SYCP2: variants seen among roughly 807,000 people sequenced by gnomAD.
The protein encoded by SYCP2 is synaptonemal complex lateral element protein.
SYCP2 carries 55 observed loss-of-function variants against 211.3 expected under a neutral mutation model. The observed-to-expected ratio is 0.26, with a 90% CI of 0.21 to 0.33. The LOEUF (loss-of-function observed/expected upper bound fraction) is 0.33. SYCP2 is among the 10% of genes least tolerant of loss of function. The pLI is 1.00. For missense variants in SYCP2, 1,731 were observed against 1,752.0 expected (o/e 0.99, Z 0.21); for synonymous variants, 570 against 555.2 (o/e 1.03, Z -0.37).
chr20:59,915,343 A>G (rs1380836318), intron 9 of SYCP2, 122 bp downstream of exon 9: 1 of 976,394 alleles, frequency 1.0e-6, no homozygotes, highest in East Asian at 2.4e-5. Context: ...CATACACTAA[A>G]TTATATTAAA....
In SYCP2 at chr20:59,922,426, TAA is replaced by T. The variant is rs376461462; in HGVS notation, c.-15_-14del. 35,399 of 1,358,950 alleles carry T rather than the reference TAA, an allele frequency of 0.026. No homozygotes were observed. The highest frequency in any genetic ancestry group is 0.038 in the South Asian group (2,743 of 72,474). 84.2% of individuals were successfully genotyped at this position (1,358,950 alleles called of 1,614,324 possible). ...GTCTTATTGGCATTTTGACTTCATT[TAA>T]AAAAAAAAAAAAAGCAAGACAAAAT... On this transcript the variant is annotated 5_prime_UTR_variant, in exon 3 of 45. Transcript: ENST00000357552.
chr20:59,917,457 A>G (rs560265106), intron 7 of SYCP2, among the ~76,000 whole-genome samples: 1 of 152,324 alleles, frequency 6.6e-6, no homozygotes, highest in African/African-American at 2.4e-5. Flanking sequence ...GACTGCATAA[A>G]AAGAAAAAAG....
At chr20:59,893,116 T>C (rs570163135) in intron 22 of SYCP2, 26 bp downstream of exon 22, 1 of 1,526,032 alleles carries the variant, frequency 6.6e-7, no homozygotes, top group African/African-American at 1.4e-5. Context: ...ATAGACTAAA[T>C]GATTTGATGG....
At chr20:59,887,368 G>A (rs1272451060) in intron 24 of SYCP2, among the ~76,000 whole-genome samples, 1 of 152,066 alleles carries the variant, frequency 6.6e-6, no homozygotes, top group African/African-American at 2.4e-5. Flanking sequence ...TGGTGTATTT[G>A]TGCCACATTT....
intron 26 of SYCP2, among the ~76,000 whole-genome samples, chr20:59,882,386 A>C (rs1011168731): frequency 5.3e-5 from 8 of 152,114 alleles, no homozygotes; most frequent in East Asian, 1.9e-4. Flanking sequence ...TGTGAATAAC[A>C]GTGTGAAGTT....
intron 14 of SYCP2, among the ~76,000 whole-genome samples, chr20:59,909,181 T>C (rs2060270063): frequency 1.3e-5 from 2 of 152,200 alleles, no homozygotes; most frequent in African/African-American, 2.4e-5. Context: ...CCTGTAGAAA[T>C]TTGTTTTTCA....
intron 25 of SYCP2, 106 bp from the exon 26 acceptor site, chr20:59,886,070 A>G: frequency 1.2e-6 from 1 of 819,734 alleles, no homozygotes. Context: ...ATTCAATGTT[A>G]AAAATAACCA....
intron 26 of SYCP2, chr20:59,885,238 G>T (rs947738110): frequency 3.9e-5 from 6 of 152,028 alleles, no homozygotes; most frequent in African/African-American, 1.4e-4. Context: ...ACCAAAAAAA[G>T]GTTTCTGAAC....
Position 59,892,370 on chromosome 20 carries a change from G to A in SYCP2, c.1984C>T (p.His662Tyr), listed in dbSNP as rs1182077198. 1.3e-6 allele frequency: 2 copies of A among 1,586,850 alleles called. No homozygotes were observed. The highest frequency in any genetic ancestry group is 3.4e-5 in the Admixed American group (2 of 59,334). The change falls in exon 24 of 45, where the codon CAT (histidine) becomes TAT (tyrosine). Residue 662 changes from histidine to tyrosine, a missense_variant. Coordinates refer to ENST00000357552, the MANE Select transcript of SYCP2 (RefSeq NM_014258.4). The part of the protein sequence containing the change: ...KQKSSSSISD[H>Y]NSEGTGKVKY... The stretch of plus-strand genomic sequence containing the variant: ...ACTTTTCCTGTTCCTTCAGAATTAT[G>A]ATCAGATATTGAAGAGGATGATTTT...
chr20:59,895,578 T>C lies in SYCP2; in HGVS notation c.1524A>G (p.Arg508=). The change falls in exon 20 of 45, where the codon AGA becomes AGG. Residue 508 remains arginine (R), a synonymous_variant. Transcript: ENST00000357552. The part of the protein sequence containing the change: ...FSNTSIPPRR[R]RIKPPLQMTS... ...TCATTTGCAGTGGTGGTTTAATTCT[T>C]CTTCTTCGTGGTGGTATTGCTAAAA... The C allele has an allele frequency of 6.2e-7, 1 of 1,613,220 alleles. No individual in the cohort carries two copies. Among genetic ancestry groups the C allele is most frequent in the Non-Finnish European group, 8.5e-7 (1 of 1,179,462 alleles).
At chr20:59,899,130 T>C (rs1289611613) in intron 18 of SYCP2, among the ~76,000 whole-genome samples, 1 of 152,172 alleles carries the variant, frequency 6.6e-6, no homozygotes, top group African/African-American at 2.4e-5. Context: ...AGGAGGCTAC[T>C]GTATTAACCT....
chr20:59,914,772 A>G (rs1197265591), intron 10 of SYCP2, among the ~76,000 whole-genome samples: 2 of 151,798 alleles, frequency 1.3e-5, no homozygotes, highest in African/African-American at 4.8e-5. Flanking sequence ...CCCTAATTTC[A>G]TAAAAAAATC....
At chr20:59,886,446 A>G (rs1252965943) in intron 25 of SYCP2, among the ~76,000 whole-genome samples, 2 of 152,034 alleles carry the variant, frequency 1.3e-5, no homozygotes, top group African/African-American at 4.8e-5. Context: ...CATCCTAAAG[A>G]TTTTTAAAAT....
chr20:59,933,387 G>C (rs1236418658), intron 1 of SYCP2, 182 bp downstream of exon 1: 1 of 152,220 alleles, frequency 6.6e-6, no homozygotes, highest in Non-Finnish European at 1.5e-5. Context: ...CCCAGCCTCG[G>C]CGCCTCCCCT....
chr20:59,866,173 CTAAAT>C lies in SYCP2; in HGVS notation c.4320+115_4320+119del, dbSNP rs1205092017. 7 of 578,302 alleles carry C rather than the reference CTAAAT, an allele frequency of 1.2e-5. No homozygotes were observed. In the East Asian group the frequency reaches 1.6e-4, roughly 13 times the overall value. The allele number at this position is 578,302 out of a possible 1,614,324, so 35.8% of individuals were successfully genotyped here. A position where few individuals can be genotyped will look rare whatever the true frequency, so the allele number is the denominator to read the frequency against. On this transcript the variant is annotated intron_variant, in intron 41 of 44. Coordinates refer to ENST00000357552, the MANE Select transcript of SYCP2 (RefSeq NM_014258.4). ...AGCTGATTAGAAATCTAAGATAAAA[CTAAAT>C]TATTTTCTGAACAAAAAGCTTTAGG... is the stretch of plus-strand genomic sequence containing the variant.
intron 2 of SYCP2, 99 bp downstream of exon 2, chr20:59,931,963 A>T (rs2060753324): frequency 6.6e-6 from 1 of 152,222 alleles, no homozygotes; most frequent in Non-Finnish European, 1.5e-5. Flanking sequence ...CCTCATAAGG[A>T]AACAATTTAA....
chr20:59,908,347 C>T (rs146120933), intron 14 of SYCP2, among the ~76,000 whole-genome samples: 89 of 152,262 alleles, frequency 5.8e-4, no homozygotes, highest in African/African-American at 1.9e-3. Flanking sequence ...TAAATCCTTA[C>T]TATTTTCACC....
chr20:59,925,797 G>C (rs1457143223), intron 2 of SYCP2, among the ~76,000 whole-genome samples: 1 of 151,922 alleles, frequency 6.6e-6, no homozygotes, highest in Non-Finnish European at 1.5e-5. Context: ...AATGCATGTA[G>C]GTACTATAAT....
chr20:59,926,585 C>A (rs1330180302), intron 2 of SYCP2, among the ~76,000 whole-genome samples: 1 of 152,010 alleles, frequency 6.6e-6, no homozygotes. Flanking sequence ...TGGTTAAATG[C>A]AAAAGACCCT....
Sources: allele counts gnomAD v4.1 joint callset (sites outside exome capture counted in the v4.1 genomes callset), GRCh38; gene constraint gnomAD v4.1.1; transcripts MANE v1.5; gene names NCBI Gene and HGNC (gene_info 2026-07-23, HGNC 2026-07-21).